Variants in RIMS1 observed in about 807,000 individuals in gnomAD.
The protein encoded by RIMS1 is regulating synaptic membrane exocytosis protein 1.
A neutral mutation model predicts 214.1 loss-of-function variants in RIMS1; 83 were observed. That is an observed-to-expected ratio of 0.39 (90% confidence interval 0.32 to 0.47). The LOEUF is 0.47. Among genes scored for constraint, RIMS1 ranks in the 20% least tolerant of loss-of-function variants. RIMS1 has a pLI of 0.99. For missense variants in RIMS1, 2,050 were observed against 2,161.8 expected, an observed-to-expected ratio of 0.95 and a Z score of 1.03; for synonymous variants, 793 against 786.8, an observed-to-expected ratio of 1.01 and a Z score of -0.13.
At chr6:71,889,559 T>C (rs1056584875) in intron 1 of RIMS1, among the ~76,000 whole-genome samples, 1 of 152,342 alleles carries the variant, frequency 6.6e-6, no homozygotes, top group Admixed American at 6.5e-5. Flanking sequence ...TGGCCTTTTG[T>C]TCAGTGACAG....
Position 72,274,331 on chromosome 6 carries a change from T to C in RIMS1, c.3399-18T>C. 6.3e-7 allele frequency: 1 copy of C among 1,584,120 alleles called. No individual in the cohort carries two copies. The highest frequency in any genetic ancestry group is 1.1e-5 in the South Asian group (1 of 89,864). ...CTAAATGTCCTGTTTTTTCCTGTCTTGTTCACTGGGCAAACAGGGGTAGAT... is the reference window on the plus strand; with the variant it reads ...CTAAATGTCCTGTTTTTTCCTGTCTCGTTCACTGGGCAAACAGGGGTAGAT... On this transcript the variant is annotated intron_variant, in intron 22 of 33. Coordinates refer to ENST00000521978, the MANE Select transcript of RIMS1 (RefSeq NM_014989.7).
intron 6 of RIMS1, among the ~76,000 whole-genome samples, chr6:72,224,642 A>G (rs2059630739): frequency 1.3e-5 from 2 of 152,206 alleles, no homozygotes. Flanking sequence ...TCCTTTCTTG[A>G]GTCAATAAGT....
intron 2 of RIMS1, among the ~76,000 whole-genome samples, chr6:72,051,129 T>C (rs1436586757): frequency 1.3e-5 from 2 of 152,184 alleles, no homozygotes; most frequent in Non-Finnish European, 2.9e-5. Context: ...CGTTTCTTTT[T>C]TCCTCCTACC....
At chr6:72,057,632 G>A (rs1001085227) in intron 2 of RIMS1, among the ~76,000 whole-genome samples, 9 of 151,042 alleles carry the variant, frequency 6.0e-5, no homozygotes, top group East Asian at 2.0e-4. Flanking sequence ...TTCAGCCTCC[G>A]GAGTAGCTGG....
At chr6:72,390,373 G>A (rs1450638896) in intron 29 of RIMS1, among the ~76,000 whole-genome samples, 2 of 152,164 alleles carry the variant, frequency 1.3e-5, no homozygotes, top group Admixed American at 6.5e-5. Context: ...GATTTAGGCA[G>A]TCACTGAAAC....
chr6:72,362,310 T>G (rs2097853707), intron 29 of RIMS1, among the ~76,000 whole-genome samples: 1 of 152,166 alleles, frequency 6.6e-6, no homozygotes, highest in Non-Finnish European at 1.5e-5. Context: ...ATAAAGAAAT[T>G]TTAAAATGAG....
rs1019248075 is a variant in RIMS1 at position 72,087,025 on chromosome 6, G to A, written c.246-9924G>A. Among the ~76,000 whole-genome samples, 7 of 152,146 alleles carry A rather than the reference G, an allele frequency of 4.6e-5. No homozygotes were observed. The South Asian group carries it at 6.2e-4, about 14-fold the overall frequency. On this transcript the variant is annotated intron_variant, in intron 2 of 33. Transcript: ENST00000521978. The stretch of plus-strand genomic sequence containing the variant: ...ACAGAAAGAAGGAGGTTGTTTGTTC[G>A]TTTGATTGTATATGTACCTTGTATC...
chr6:72,077,505 T>C (rs535485876), intron 2 of RIMS1, among the ~76,000 whole-genome samples: 5 of 152,320 alleles, frequency 3.3e-5, no homozygotes, highest in Non-Finnish European at 7.3e-5. Context: ...AGGGGCTATG[T>C]CCAAAGTTGT....
intron 19 of RIMS1, chr6:72,261,102 T>G: frequency 8.4e-7 from 1 of 1,191,670 alleles, no homozygotes; most frequent in Non-Finnish European, 1.1e-6. Context: ...CCCACACATA[T>G]TCCTGTCTAG....
At chr6:72,338,849 AAGAG>A (rs59731805) in intron 29 of RIMS1, among the ~76,000 whole-genome samples, 7,920 of 138,506 alleles carry the variant, frequency 0.057, 222 homozygotes, top group African/African-American at 0.073. Flanking sequence ...CCAACTTGTG[AAGAG>A]AGAGAGAGAG....
chr6:72,400,735 T>C lies in RIMS1; in HGVS notation c.*21T>C. 6.5e-7 allele frequency: 1 copy of C among 1,545,242 alleles called. No individual in the cohort carries two copies. Among genetic ancestry groups the C allele is most frequent in the Non-Finnish European group, 8.9e-7 (1 of 1,121,332 alleles). ...CATAGTGAACTCATACCAGAGTCAT[T>C]CCAATAAAACTCTACTTTTCAGGAT... On this transcript the variant is annotated 3_prime_UTR_variant, in exon 34 of 34. Coordinates refer to ENST00000521978, the MANE Select transcript of RIMS1 (RefSeq NM_014989.7).
intron 6 of RIMS1, among the ~76,000 whole-genome samples, chr6:72,195,669 G>A (rs965060315): frequency 3.4e-4 from 52 of 152,026 alleles, no homozygotes; most frequent in African/African-American, 1.2e-3. Context: ...TAAACTAAAC[G>A]TACTGGGAGT....
At chr6:72,196,689 C>A (rs1487060772) in intron 6 of RIMS1, among the ~76,000 whole-genome samples, 1 of 146,102 alleles carries the variant, frequency 6.8e-6, no homozygotes, top group Non-Finnish European at 1.5e-5. Context: ...CCATGAGACT[C>A]CCATAAAATA....
At chr6:72,213,114 T>A (rs2054135578) in intron 6 of RIMS1, 3 of 1,536,676 alleles carry the variant, frequency 2.0e-6, no homozygotes. Flanking sequence ...TATTTCCAAG[T>A]TTGCTGTCAT....
At chr6:71,952,513 A>G (rs950449647) in intron 1 of RIMS1, among the ~76,000 whole-genome samples, 27 of 152,184 alleles carry the variant, frequency 1.8e-4, no homozygotes, top group African/African-American at 5.8e-4. Context: ...TTGGGAATCT[A>G]TATTGAATGA....
chr6:72,208,244 T>C (rs1339341506), intron 6 of RIMS1, among the ~76,000 whole-genome samples: 1 of 152,202 alleles, frequency 6.6e-6, no homozygotes, highest in Non-Finnish European at 1.5e-5. Flanking sequence ...GAAGTCTCAT[T>C]CTGCTCATCT....
intron 29 of RIMS1, among the ~76,000 whole-genome samples, chr6:72,364,764 T>C (rs1053545352): frequency 6.6e-6 from 1 of 152,312 alleles, no homozygotes; most frequent in East Asian, 1.9e-4. Flanking sequence ...ATTTCTGCTG[T>C]AGGCAATTGG....
chr6:72,313,451 T>C, intron 27 of RIMS1, 55 bp from the exon 28 acceptor site: 1 of 1,529,710 alleles, frequency 6.5e-7, no homozygotes, highest in Non-Finnish European at 9.0e-7. Flanking sequence ...TCACCATCTA[T>C]GTTTTTTCCA....
Position 72,373,364 on chromosome 6 carries a change from C to G in RIMS1, c.4367-17234C>G, listed in dbSNP as rs182867649. Reference sequence around the variant, plus strand: ...CCTTGTGAATTACAGTGTTTTCCTTCTCAGGAAGAGTTATCAATTCCACAT... The same window carrying G: ...CCTTGTGAATTACAGTGTTTTCCTTGTCAGGAAGAGTTATCAATTCCACAT... On this transcript the variant is annotated intron_variant, in intron 29 of 33. Coordinates refer to ENST00000521978, the MANE Select transcript of RIMS1 (RefSeq NM_014989.7). 1.2e-3 allele frequency among the ~76,000 whole-genome samples: 181 copies of G among 152,280 alleles called. 1 individual carries two copies. The highest frequency in any genetic ancestry group is 4.0e-3 in the African/African-American group (165 of 41,536).
Sources: allele counts gnomAD v4.1 joint callset (sites outside exome capture counted in the v4.1 genomes callset), GRCh38; gene constraint gnomAD v4.1.1; transcripts MANE v1.5; gene names NCBI Gene and HGNC (gene_info 2026-07-23, HGNC 2026-07-21).